GABBR2: variants seen among roughly 807,000 people sequenced by gnomAD.
GABBR2 encodes the protein gamma-aminobutyric acid type B receptor subunit 2, also known as G-protein coupled receptor 51.
In GABBR2, 23 loss-of-function variants were observed where a neutral mutation model predicts 105.6. The ratio of observed to expected loss-of-function variants is 0.22; its 90% CI spans 0.16 to 0.31. The LOEUF (loss-of-function observed/expected upper bound fraction) is 0.31. Among genes scored for constraint, GABBR2 ranks in the 10% least tolerant of loss-of-function variants. GABBR2 has a pLI of 1.00. For missense variants in GABBR2, 734 were observed against 1,245.5 expected (o/e 0.59, Z 6.18); for synonymous variants, 478 against 499.7 (o/e 0.96, Z 0.58).
intron 6 of GABBR2, among the ~76,000 whole-genome samples, chr9:98,465,839 G>A (rs568307316): frequency 1.3e-5 from 2 of 152,330 alleles, no homozygotes; most frequent in African/African-American, 4.8e-5. Flanking sequence ...CCAGAAAGAC[G>A]AATCTTCCCT....
At chr9:98,690,744 C>T (rs1402780715) in intron 1 of GABBR2, among the ~76,000 whole-genome samples, 1 of 152,172 alleles carries the variant, frequency 6.6e-6, no homozygotes, top group African/African-American at 2.4e-5. Context: ...AGGAGAAACC[C>T]AACCCAGACC....
intron 7 of GABBR2, among the ~76,000 whole-genome samples, chr9:98,425,513 C>T (rs1825666026): frequency 6.6e-6 from 1 of 152,162 alleles, no homozygotes; most frequent in Admixed American, 6.5e-5. Context: ...CTGTGCTGGG[C>T]TCTAGGTATA....
At chr9:98,458,421 C>T (rs183483579) in intron 6 of GABBR2, among the ~76,000 whole-genome samples, 78 of 152,266 alleles carry the variant, frequency 5.1e-4, no homozygotes, top group Admixed American at 1.0e-3. Flanking sequence ...GCAGATGCCA[C>T]GGCTGGGCAC....
intron 12 of GABBR2, among the ~76,000 whole-genome samples, chr9:98,367,592 A>G (rs1350182826): frequency 6.6e-6 from 1 of 152,196 alleles, no homozygotes; most frequent in Non-Finnish European, 1.5e-5. Flanking sequence ...TGAACTGCCA[A>G]AGGCTTTCAG....
chr9:98,290,630 TGGCGGG>T lies in GABBR2; in HGVS notation c.2774_2779del (p.Pro925_Arg926del). On this transcript the variant is annotated inframe_deletion, in exon 19 of 19. Coordinates refer to ENST00000259455, the MANE Select transcript of GABBR2 (RefSeq NM_005458.8). The stretch of plus-strand genomic sequence containing the variant: ...TCGGAAGGAGGGTGGCACATGTCTG[TGGCGGG>T]GGCTGGCGGTGGGGCTGACGCAGGG... The T allele has an allele frequency of 7.0e-7, 1 of 1,438,832 alleles. No homozygotes were observed. The highest frequency in any genetic ancestry group is 9.1e-7 in the Non-Finnish European group (1 of 1,098,666). The allele number at this position is 1,438,832 out of a possible 1,614,324, so 89.1% of individuals were successfully genotyped here.
At chr9:98,422,518 GTGTC>G (rs1392934455) in intron 7 of GABBR2, among the ~76,000 whole-genome samples, 2 of 148,648 alleles carry the variant, frequency 1.3e-5, no homozygotes, top group African/African-American at 2.5e-5. Flanking sequence ...GTGTGTGTGT[GTGTC>G]TGTGTGTGTG....
intron 1 of GABBR2, among the ~76,000 whole-genome samples, chr9:98,642,227 G>T (rs1284340619): frequency 6.6e-6 from 1 of 152,132 alleles, no homozygotes; most frequent in Admixed American, 6.6e-5. Flanking sequence ...AGAGCCAGCT[G>T]GGAACCCCAC....
At chr9:98,395,201 T>A (rs900624140) in intron 8 of GABBR2, among the ~76,000 whole-genome samples, 5 of 152,078 alleles carry the variant, frequency 3.3e-5, no homozygotes, top group African/African-American at 1.2e-4. Context: ...AACTGAGTGA[T>A]CAAATGGGAG....
intron 13 of GABBR2, among the ~76,000 whole-genome samples, chr9:98,353,319 G>C (rs1831432560): frequency 6.6e-6 from 1 of 152,154 alleles, no homozygotes; most frequent in African/African-American, 2.4e-5. Flanking sequence ...GAATTATCTT[G>C]CTATTTCCAC....
chr9:98,307,166 C>T (rs1392305473), intron 14 of GABBR2, among the ~76,000 whole-genome samples: 1 of 152,222 alleles, frequency 6.6e-6, no homozygotes, highest in East Asian at 1.9e-4. Flanking sequence ...CTGAGAGGAA[C>T]ATTTCCTGTC....
chr9:98,645,616 G>A (rs1830020092), intron 1 of GABBR2, among the ~76,000 whole-genome samples: 1 of 152,172 alleles, frequency 6.6e-6, no homozygotes, highest in Admixed American at 6.5e-5. Flanking sequence ...GGTTCTGAAT[G>A]TCCCTGTGTA....
At chr9:98,648,114 TGTATAG>T (rs1173731416) in intron 1 of GABBR2, among the ~76,000 whole-genome samples, 62 of 102,340 alleles carry the variant, frequency 6.1e-4, no homozygotes, top group African/African-American at 1.9e-3. Flanking sequence ...TGTGTGTGTG[TGTATAG>T]ATAGATAGAT....
chr9:98,502,596 C>T (rs182716734), intron 3 of GABBR2, among the ~76,000 whole-genome samples: 1 of 152,200 alleles, frequency 6.6e-6, no homozygotes, highest in Non-Finnish European at 1.5e-5. Context: ...CTCCCTGCTA[C>T]CCACAGGTAG....
chr9:98,357,596 C>A (rs1613786), intron 13 of GABBR2, among the ~76,000 whole-genome samples: 82,398 of 151,942 alleles, frequency 0.54, 24,801 homozygotes, highest in Admixed American at 0.66. Context: ...GAGCCGTGAT[C>A]TTGCCATTGC....
intron 1 of GABBR2, among the ~76,000 whole-genome samples, chr9:98,662,581 A>C (rs1195699924): frequency 6.6e-6 from 1 of 152,190 alleles, no homozygotes; most frequent in East Asian, 1.9e-4. Flanking sequence ...GAGAAGGGTA[A>C]ATTTCCAACC....
At chr9:98,649,576 TAAG>T (rs1185466787) in intron 1 of GABBR2, among the ~76,000 whole-genome samples, 1 of 152,104 alleles carries the variant, frequency 6.6e-6, no homozygotes, top group African/African-American at 2.4e-5. Flanking sequence ...AGCAGCAAAA[TAAG>T]AAGAATGCGT....
intron 1 of GABBR2, among the ~76,000 whole-genome samples, chr9:98,642,769 G>A (rs982970777): frequency 5.9e-5 from 9 of 152,318 alleles, no homozygotes; most frequent in Admixed American, 5.2e-4. Flanking sequence ...AGGTGTGAAT[G>A]CACTGTAACA....
At chr9:98,429,065 C>G (rs1391364151) in intron 7 of GABBR2, among the ~76,000 whole-genome samples, 1 of 152,036 alleles carries the variant, frequency 6.6e-6, no homozygotes, top group Non-Finnish European at 1.5e-5. Flanking sequence ...CGCTTTATCA[C>G]ATGGCAACCA....
chr9:98,657,505 G>A lies in GABBR2; in HGVS notation c.321+50912C>T, dbSNP rs564842787. ...TGGAACCCTGGCCAGGGACTCAGAT[G>A]TAAGGAAGGGACCCTGTTTTAGCGG... On this transcript the variant is annotated intron_variant, in intron 1 of 18. Coordinates refer to ENST00000259455, the MANE Select transcript of GABBR2 (RefSeq NM_005458.8). Among the ~76,000 whole-genome samples, 8 of 152,296 alleles carry A rather than the reference G, an allele frequency of 5.3e-5. No individual in the cohort carries two copies. In the South Asian group the frequency reaches 1.0e-3, roughly 20 times the overall value.
Sources: gnomAD v4.1 joint callset for allele counts (sites outside exome capture counted in the v4.1 genomes callset) on GRCh38, gnomAD v4.1.1 for gene constraint, MANE v1.5 for transcripts, NCBI Gene and HGNC (gene_info 2026-07-23, HGNC 2026-07-21) for gene names.